The following GRIK2 variants were observed in gnomAD, a reference collection of about 807,000 sequenced individuals.
GRIK2 encodes the protein glutamate ionotropic receptor kainate type subunit 2.
Under a neutral mutation model 100.3 loss-of-function variants are expected in GRIK2, and 32 were observed. That is an observed-to-expected ratio of 0.32 (90% CI 0.24 to 0.43). The LOEUF is 0.43. Among genes scored for constraint, GRIK2 ranks in the 20% least tolerant of loss-of-function variants. GRIK2 has a pLI of 1.00. For missense variants in GRIK2, 843 were observed against 1,114.9 expected, an observed-to-expected ratio of 0.76 and a Z score of 3.47; for synonymous variants, 417 against 389.4, an observed-to-expected ratio of 1.07 and a Z score of -0.83.
intron 3 of GRIK2, among the ~76,000 whole-genome samples, chr6:101,623,839 T>C (rs1780299442): frequency 1.3e-5 from 2 of 152,150 alleles, no homozygotes; most frequent in African/African-American, 4.8e-5. Context: ...GGTTTGGATT[T>C]TATCTTCTGA....
intron 8 of GRIK2, among the ~76,000 whole-genome samples, chr6:101,801,701 G>A (rs975989203): frequency 1.3e-4 from 20 of 151,870 alleles, no homozygotes; most frequent in African/African-American, 2.7e-4. Flanking sequence ...AACTTTTTAC[G>A]TTAAAAAAGT....
chr6:101,838,993 T>G (rs1188748820), intron 10 of GRIK2, among the ~76,000 whole-genome samples: 1 of 152,004 alleles, frequency 6.6e-6, no homozygotes, highest in Non-Finnish European at 1.5e-5. Context: ...ATATGCTTTT[T>G]TTTTTAATTG....
intron 14 of GRIK2, among the ~76,000 whole-genome samples, chr6:101,980,750 T>G (rs1793663123): frequency 6.6e-6 from 1 of 151,840 alleles, no homozygotes; most frequent in South Asian, 2.1e-4. Flanking sequence ...ATGAAACAGT[T>G]ATAATGCCAC....
chr6:101,843,485 T>C (rs1025098795), intron 10 of GRIK2, among the ~76,000 whole-genome samples: 5 of 152,192 alleles, frequency 3.3e-5, no homozygotes, highest in Non-Finnish European at 7.4e-5. Flanking sequence ...GACTGCATAT[T>C]TGACCAGCTA....
At chr6:101,653,586 T>C (rs1781920826) in intron 4 of GRIK2, among the ~76,000 whole-genome samples, 1 of 152,138 alleles carries the variant, frequency 6.6e-6, no homozygotes, top group South Asian at 2.1e-4. Context: ...TCTTTGCTGA[T>C]TTAACTCAGA....
intron 2 of GRIK2, among the ~76,000 whole-genome samples, chr6:101,414,651 A>T (rs997768246): frequency 6.6e-6 from 1 of 152,134 alleles, no homozygotes; most frequent in African/African-American, 2.4e-5. Flanking sequence ...GTTTTGCATG[A>T]TCTAAAAGGA....
chr6:101,584,768 GA>G (rs1778271494), intron 2 of GRIK2, among the ~76,000 whole-genome samples: 1 of 151,964 alleles, frequency 6.6e-6, no homozygotes, highest in South Asian at 2.1e-4. Context: ...TGGCATTATG[GA>G]TAAGTGCAAT....
intron 1 of GRIK2, among the ~76,000 whole-genome samples, chr6:101,396,176 A>G (rs1488795882): frequency 6.6e-6 from 1 of 151,896 alleles, no homozygotes; most frequent in African/African-American, 2.4e-5. Flanking sequence ...CAAAATTGCC[A>G]CATGTTAAGG....
Position 102,035,492 on chromosome 6 carries a change from C to G in GRIK2, c.2237C>G (p.Thr746Ser). The G allele has an allele frequency of 6.2e-7, 1 of 1,609,836 alleles. No individual in the cohort carries two copies. The highest frequency in any genetic ancestry group is 8.5e-7 in the Non-Finnish European group (1 of 1,177,090). The change falls in exon 15 of 17, where the codon ACC (threonine) becomes AGC (serine). Residue 746 changes from threonine (T) to serine (S), a missense_variant. Thr to Ser is a moderately conservative substitution (Grantham distance 58, BLOSUM62 1). Coordinates refer to ENST00000369134, the MANE Select transcript of GRIK2 (RefSeq NM_021956.5). ...LMESTTIEFV[T>S]QRNCNLTQIG... ...GAGTCAACAACCATCGAGTTTGTTA[C>G]CCAGCGGAACTGTAACCTGACACAG...
At chr6:101,565,305 T>C (rs997803646) in intron 2 of GRIK2, among the ~76,000 whole-genome samples, 4 of 152,224 alleles carry the variant, frequency 2.6e-5, no homozygotes, top group African/African-American at 4.8e-5. Flanking sequence ...GCAGAAAATA[T>C]TGATGACTCT....
intron 2 of GRIK2, among the ~76,000 whole-genome samples, chr6:101,541,402 ACACACACACACACACATACACACACACT>A (rs1275049480): frequency 6.1e-5 from 9 of 148,564 alleles, no homozygotes; most frequent in African/African-American, 2.2e-4. Context: ...ACACACACAC[ACACACACACACACACATACACACACACT>A]ACACCCTTAT....
At chr6:102,023,446 C>G (rs1217950982) in intron 14 of GRIK2, among the ~76,000 whole-genome samples, 1 of 151,332 alleles carries the variant, frequency 6.6e-6, no homozygotes, top group Non-Finnish European at 1.5e-5. Flanking sequence ...TGTAGGGTAA[C>G]AAACAGAAGG....
chr6:101,900,959 C>T (rs2128461512), intron 12 of GRIK2, among the ~76,000 whole-genome samples: 1 of 150,420 alleles, frequency 6.6e-6, no homozygotes, highest in East Asian at 2.0e-4. Context: ...TTAGAAATCT[C>T]TTGACCTTCT....
At chr6:101,824,481 A>G (rs949669748) in intron 10 of GRIK2, among the ~76,000 whole-genome samples, 4 of 152,090 alleles carry the variant, frequency 2.6e-5, no homozygotes. Context: ...CTAAATTCTT[A>G]GTTTTCGATA....
intron 7 of GRIK2, among the ~76,000 whole-genome samples, chr6:101,692,367 A>T (rs1772171376): frequency 6.6e-6 from 1 of 152,128 alleles, no homozygotes; most frequent in African/African-American, 2.4e-5. Flanking sequence ...GAATTGATGA[A>T]TTAACTTTTT....
chr6:101,746,150 T>A (rs1403479296), intron 7 of GRIK2, among the ~76,000 whole-genome samples: 4 of 152,178 alleles, frequency 2.6e-5, no homozygotes, highest in South Asian at 4.1e-4. Flanking sequence ...TCTAGGAGAA[T>A]TGAGTACTGT....
At chr6:101,648,468 C>A (rs1781632869) in intron 4 of GRIK2, among the ~76,000 whole-genome samples, 1 of 151,966 alleles carries the variant, frequency 6.6e-6, no homozygotes, top group African/African-American at 2.4e-5. Context: ...GGCCATATTA[C>A]CTTACATCTA....
chr6:102,048,135 G>A (rs753678974), intron 15 of GRIK2, among the ~76,000 whole-genome samples: 27 of 150,912 alleles, frequency 1.8e-4, no homozygotes, highest in South Asian at 2.1e-4. Flanking sequence ...AATCAACGGC[G>A]TTGAGAAAAC....
intron 4 of GRIK2, among the ~76,000 whole-genome samples, chr6:101,628,494 A>G (rs1036112674): frequency 1.3e-5 from 2 of 152,128 alleles, no homozygotes; most frequent in Non-Finnish European, 2.9e-5. Context: ...CTTTCTTCCT[A>G]AATCATTACT....
Sources: gnomAD v4.1 joint callset for allele counts (sites outside exome capture counted in the v4.1 genomes callset) on GRCh38, gnomAD v4.1.1 for gene constraint, MANE v1.5 for transcripts, NCBI Gene and HGNC (gene_info 2026-07-23, HGNC 2026-07-21) for gene names.